AGBL1: variants seen among roughly 807,000 people sequenced by gnomAD.
The protein encoded by AGBL1 is AGBL carboxypeptidase 1, also known as cytosolic carboxypeptidase 4.
In AGBL1, 130 loss-of-function variants were observed where a neutral mutation model predicts 118.9. That is an observed-to-expected ratio of 1.09 (90% CI 0.95 to 1.26). The LOEUF is 1.26. AGBL1 is among the 50% of genes most tolerant of loss of function. AGBL1 has a pLI of 0.00. For synonymous variants in AGBL1, 555 were observed against 478.9 expected (o/e 1.16, Z -2.08); for missense variants, 1,584 against 1,298.1 (o/e 1.22, Z -3.38).
intron 5 of AGBL1, among the ~76,000 whole-genome samples, chr15:86,179,714 G>A (rs1020393312): frequency 6.6e-6 from 1 of 152,080 alleles, no homozygotes; most frequent in African/African-American, 2.4e-5. Flanking sequence ...GTGAAATAAG[G>A]CAAGGAAAAG....
At chr15:86,108,374 T>C (rs73460855) in intron 1 of AGBL1, among the ~76,000 whole-genome samples, 2,057 of 152,322 alleles carry the variant, frequency 0.014, 51 homozygotes, top group African/African-American at 0.043. Flanking sequence ...GATAAATAGA[T>C]AGATACAGCT....
chr15:86,281,434 G>GA (rs1227629868), intron 16 of AGBL1, among the ~76,000 whole-genome samples: 1 of 152,144 alleles, frequency 6.6e-6, no homozygotes, highest in Non-Finnish European at 1.5e-5. Context: ...GTCTGCTAGG[G>GA]ATGGGGATTC....
At chr15:86,157,491 G>T (rs1381209321) in intron 4 of AGBL1, among the ~76,000 whole-genome samples, 1 of 152,144 alleles carries the variant, frequency 6.6e-6, no homozygotes, top group East Asian at 1.9e-4. Context: ...AATTCCTTCA[G>T]CTGAGTTCTG....
At chr15:86,610,697 A>G (rs1199879964) in intron 21 of AGBL1, among the ~76,000 whole-genome samples, 1 of 152,174 alleles carries the variant, frequency 6.6e-6, no homozygotes, top group African/African-American at 2.4e-5. Context: ...TCTGCTTCAT[A>G]CTTTGTTGAG....
intron 5 of AGBL1, among the ~76,000 whole-genome samples, chr15:86,183,722 T>C (rs926714320): frequency 1.3e-5 from 2 of 152,168 alleles, no homozygotes; most frequent in African/African-American, 4.8e-5. Context: ...TCACACATAA[T>C]AAAATCACAT....
intron 23 of AGBL1, among the ~76,000 whole-genome samples, chr15:86,979,183 G>C (rs910551308): frequency 6.6e-6 from 1 of 152,122 alleles, no homozygotes; most frequent in Admixed American, 6.5e-5. Flanking sequence ...TGCTAAAAAT[G>C]TGTCTATCTG....
At chr15:86,923,366 G>A (rs2080499824) in intron 23 of AGBL1, among the ~76,000 whole-genome samples, 2 of 152,152 alleles carry the variant, frequency 1.3e-5, no homozygotes, top group South Asian at 4.1e-4. Flanking sequence ...ACAGGGCCCA[G>A]GACCAGCTTT....
At chr15:86,326,603 T>G (rs1385213583) in intron 17 of AGBL1, among the ~76,000 whole-genome samples, 2 of 152,224 alleles carry the variant, frequency 1.3e-5, no homozygotes, top group African/African-American at 2.4e-5. Context: ...TTAAGGATAC[T>G]TGATTGTTAA....
intron 17 of AGBL1, among the ~76,000 whole-genome samples, chr15:86,357,944 T>G (rs1319381355): frequency 1.3e-5 from 2 of 152,138 alleles, no homozygotes; most frequent in Non-Finnish European, 2.9e-5. Flanking sequence ...ACATGATGTT[T>G]TGATGTGCAG....
chr15:86,279,052 G>C (rs750821493), intron 15 of AGBL1, among the ~76,000 whole-genome samples: 16 of 152,180 alleles, frequency 1.1e-4, no homozygotes, highest in Admixed American at 4.6e-4. Flanking sequence ...ATTTAGCTTT[G>C]AGCCCTTTGG....
intron 17 of AGBL1, among the ~76,000 whole-genome samples, chr15:86,371,291 C>A (rs142517982): frequency 1.3e-5 from 2 of 152,002 alleles, no homozygotes; most frequent in African/African-American, 2.4e-5. Context: ...AAAGCAATGG[C>A]GGTCATTGGG....
chr15:86,113,125 T>C (rs1897498732), intron 1 of AGBL1, among the ~76,000 whole-genome samples: 1 of 152,184 alleles, frequency 6.6e-6, no homozygotes, highest in Admixed American at 6.5e-5. Context: ...GCTTTCCTGC[T>C]TCAGCTCCTA....
chr15:86,117,770 CAACT>C (rs1304050299), intron 1 of AGBL1, among the ~76,000 whole-genome samples: 1 of 152,114 alleles, frequency 6.6e-6, no homozygotes, highest in African/African-American at 2.4e-5. Flanking sequence ...GTAACAACAA[CAACT>C]AAGCTTAATG....
chr15:86,111,484 C>A (rs931047330), intron 1 of AGBL1, among the ~76,000 whole-genome samples: 1 of 152,114 alleles, frequency 6.6e-6, no homozygotes, highest in Non-Finnish European at 1.5e-5. Context: ...TTTTGGCTTT[C>A]CAAGCACAGA....
At chr15:86,181,329 C>T (rs1311486871) in intron 5 of AGBL1, among the ~76,000 whole-genome samples, 10 of 152,004 alleles carry the variant, frequency 6.6e-5, no homozygotes, top group African/African-American at 2.4e-5. Context: ...TATTGTTCAA[C>T]AATACAAAGA....
intron 1 of AGBL1, among the ~76,000 whole-genome samples, chr15:86,099,340 G>A (rs1343241896): frequency 6.6e-6 from 1 of 152,074 alleles, no homozygotes; most frequent in Non-Finnish European, 1.5e-5. Context: ...CTTTCTTGAT[G>A]TAGTTTTTTA....
intron 18 of AGBL1, among the ~76,000 whole-genome samples, chr15:86,475,649 G>C (rs113295036): frequency 0.011 from 1,645 of 152,186 alleles, 34 homozygotes; most frequent in Admixed American, 0.046. Context: ...GAAAACACTC[G>C]GCAGGATATT....
At chr15:86,247,963 G>A in intron 7 of AGBL1, 84 bp downstream of exon 7, 3 of 1,494,590 alleles carry the variant, frequency 2.0e-6, no homozygotes, top group Non-Finnish European at 2.8e-6. Flanking sequence ...ATCCCAGATA[G>A]AGCTGGGAAC....
intron 22 of AGBL1, among the ~76,000 whole-genome samples, chr15:86,869,762 G>A (rs1183466542): frequency 1.3e-5 from 2 of 152,114 alleles, no homozygotes; most frequent in African/African-American, 2.4e-5. Flanking sequence ...CATGTACCAA[G>A]CCCTTGGCTA....
Sources: gnomAD v4.1 joint callset for allele counts (sites outside exome capture counted in the v4.1 genomes callset) on GRCh38, gnomAD v4.1.1 for gene constraint, MANE v1.5 for transcripts, NCBI Gene and HGNC (gene_info 2026-07-23, HGNC 2026-07-21) for gene names.